The following DTNA variants were observed in gnomAD, a reference collection of about 807,000 sequenced individuals.
The protein encoded by DTNA is dystrophin-related protein 3.
Under a neutral mutation model 100.7 loss-of-function variants are expected in DTNA, and 43 were observed. That is an observed-to-expected ratio of 0.43 (90% CI 0.33 to 0.55). The LOEUF is 0.55. Among genes scored for constraint, DTNA ranks in the 20% least tolerant of loss-of-function variants. The pLI is 0.04. For synonymous variants in DTNA, 349 were observed against 347.9 expected (o/e 1.00, Z -0.04); for missense variants, 798 against 953.9 (o/e 0.84, Z 2.15).
chr18:34,620,957 G>T (rs1179066224), intron 1 of DTNA, among the ~76,000 whole-genome samples: 1 of 151,758 alleles, frequency 6.6e-6, no homozygotes, highest in Non-Finnish European at 1.5e-5. Flanking sequence ...ATTGCTTTGG[G>T]AGCAATTGCA....
intron 1 of DTNA, among the ~76,000 whole-genome samples, chr18:34,517,680 T>C (rs1243452362): frequency 6.6e-6 from 1 of 152,060 alleles, no homozygotes; most frequent in African/African-American, 2.4e-5. Context: ...GCAAAAATGT[T>C]ATATAAATGG....
rs115510280 is a variant in DTNA, at chr18:34,775,969, T to C, written c.148+9928T>C. On this transcript the variant is annotated intron_variant, in intron 3 of 22. Coordinates refer to ENST00000444659, the MANE Select transcript of DTNA (RefSeq NM_001386795.1). ...GCTTTCTGCTATACACAGTAAAGCA[T>C]GGACCTGCACTCCAGTGACATCTGT... is the stretch of plus-strand genomic sequence containing the variant. Among the ~76,000 whole-genome samples, 727 of 152,304 alleles carry C rather than the reference T, an allele frequency of 4.8e-3. 4 individuals carry two copies. The highest frequency in any genetic ancestry group is 0.015 in the African/African-American group (639 of 41,560).
At chr18:34,703,472 T>C (rs1281929321) in intron 1 of DTNA, among the ~76,000 whole-genome samples, 1 of 152,210 alleles carries the variant, frequency 6.6e-6, no homozygotes, top group Non-Finnish European at 1.5e-5. Context: ...CACAGGCTTC[T>C]CTTCCACTTT....
At chr18:34,604,797 A>G (rs964363721) in intron 1 of DTNA, among the ~76,000 whole-genome samples, 1 of 152,158 alleles carries the variant, frequency 6.6e-6, no homozygotes, top group African/African-American at 2.4e-5. Flanking sequence ...TACATTTTTC[A>G]TTGCACAAGA....
rs898862093 is a variant in DTNA at position 34,839,978 on chromosome 18, T to C, written c.1346+1141T>C. The stretch of plus-strand genomic sequence containing the variant: ...TTGATGTTATTAGCCGCTTTGTTTC[T>C]GAACCTCTTTCCTCCTCACTTGAGT... On this transcript the variant is annotated intron_variant, in intron 13 of 22. Transcript: ENST00000444659. Among the ~76,000 whole-genome samples the C allele has an allele frequency of 2.6e-5, 4 of 152,198 alleles. No individual in the cohort carries two copies. The East Asian group carries it at 7.7e-4, about 29-fold the overall frequency.
At chr18:34,790,928 AC>A (rs1313673951) in intron 3 of DTNA, among the ~76,000 whole-genome samples, 1 of 152,088 alleles carries the variant, frequency 6.6e-6, no homozygotes, top group Admixed American at 6.5e-5. Flanking sequence ...CATTGATAGA[AC>A]CCAGAAAGTA....
chr18:34,597,878 T>G (rs2050968467), intron 1 of DTNA, among the ~76,000 whole-genome samples: 2 of 151,954 alleles, frequency 1.3e-5, no homozygotes, highest in Admixed American at 1.3e-4. Context: ...CTGTACTTTC[T>G]TTTTAAGTGT....
intron 13 of DTNA, among the ~76,000 whole-genome samples, chr18:34,843,299 C>A (rs1457936279): frequency 6.6e-6 from 1 of 152,014 alleles, no homozygotes; most frequent in Admixed American, 6.6e-5. Flanking sequence ...AACAGAGCAA[C>A]TAATAGGGCA....
chr18:34,495,392 T>C (rs1042089504), intron 1 of DTNA, among the ~76,000 whole-genome samples: 2 of 152,234 alleles, frequency 1.3e-5, no homozygotes, highest in Non-Finnish European at 1.5e-5. Flanking sequence ...GTTGAGATTT[T>C]CAGCCGTTAA....
At chr18:34,834,361 G>A (rs1325209390) in intron 11 of DTNA, among the ~76,000 whole-genome samples, 1 of 151,918 alleles carries the variant, frequency 6.6e-6, no homozygotes, top group Non-Finnish European at 1.5e-5. Context: ...AAATTAGCTG[G>A]GTGTGGTGGT....
intron 1 of DTNA, chr18:34,558,051 G>C (rs559544163): frequency 1.3e-5 from 2 of 153,794 alleles, no homozygotes; most frequent in South Asian, 4.1e-4. Flanking sequence ...TCCGAGCCAG[G>C]TGCGGGATAT....
chr18:34,748,282 C>A (rs1320814448), intron 1 of DTNA, among the ~76,000 whole-genome samples: 1 of 152,104 alleles, frequency 6.6e-6, no homozygotes, highest in Non-Finnish European at 1.5e-5. Flanking sequence ...CTGATTATTT[C>A]TTTTGCTGTG....
At position 34,734,479 on chromosome 18, in the gene DTNA, G is replaced by A. The variant is rs2147449923; in HGVS notation, c.-1-21497G>A. Among the ~76,000 whole-genome samples, 4 of 152,282 alleles carry A rather than the reference G, an allele frequency of 2.6e-5. No homozygotes were observed. The Middle Eastern group carries it at 0.01, about 388-fold the overall frequency. On this transcript the variant is annotated intron_variant, in intron 1 of 22. Transcript: ENST00000444659. Reference sequence around the variant, plus strand: ...GCCCTCACTTTAACAGTAGTCACCTGGCGAGGCTGTGCATGCATCTTTCAT... The same window carrying A: ...GCCCTCACTTTAACAGTAGTCACCTAGCGAGGCTGTGCATGCATCTTTCAT...
At chr18:34,539,869 A>G (rs2044080974) in intron 1 of DTNA, among the ~76,000 whole-genome samples, 1 of 151,870 alleles carries the variant, frequency 6.6e-6, no homozygotes, top group Admixed American at 6.6e-5. Context: ...ATATTCTTCA[A>G]AAAGATTTTT....
intron 1 of DTNA, among the ~76,000 whole-genome samples, chr18:34,688,318 C>G (rs1450694323): frequency 6.6e-6 from 1 of 152,130 alleles, no homozygotes; most frequent in East Asian, 1.9e-4. Flanking sequence ...CCTTCAGGAG[C>G]TCTTGTAAGG....
At chr18:34,875,543 A>G (rs2096806847) in intron 18 of DTNA, 145 bp downstream of exon 18, 2 of 1,237,746 alleles carry the variant, frequency 1.6e-6, no homozygotes, top group African/African-American at 3.0e-5. Flanking sequence ...CCTGCCAGCC[A>G]TTTTGGGAAC....
chr18:34,501,027 C>G (rs2039865774), intron 1 of DTNA, among the ~76,000 whole-genome samples: 1 of 152,074 alleles, frequency 6.6e-6, no homozygotes, highest in East Asian at 1.9e-4. Context: ...GCATCTTTGC[C>G]TTTTGCTAAT....
At chr18:34,630,393 T>A (rs1438081278) in intron 1 of DTNA, among the ~76,000 whole-genome samples, 1 of 152,202 alleles carries the variant, frequency 6.6e-6, no homozygotes, top group Non-Finnish European at 1.5e-5. Context: ...TAGCTGCTAA[T>A]CACATGCAGT....
intron 1 of DTNA, among the ~76,000 whole-genome samples, chr18:34,565,300 T>C (rs2046988311): frequency 6.6e-6 from 1 of 152,188 alleles, no homozygotes; most frequent in Admixed American, 6.5e-5. Context: ...GAGAAGAAAT[T>C]CAGAGTCTTG....
Sources: allele counts gnomAD v4.1 joint callset (sites outside exome capture counted in the v4.1 genomes callset), GRCh38; gene constraint gnomAD v4.1.1; transcripts MANE v1.5; gene names NCBI Gene and HGNC (gene_info 2026-07-23, HGNC 2026-07-21).